ERICH6: variants seen among roughly 807,000 people sequenced by gnomAD.
ERICH6 encodes glutamate-rich protein 6.
Under a neutral mutation model 71.0 loss-of-function variants are expected in ERICH6, and 71 were observed. That is an observed-to-expected ratio of 1.00 (90% confidence interval 0.83 to 1.22). ERICH6 has a LOEUF of 1.22. Among genes scored for constraint, ERICH6 ranks in the 50% most tolerant of loss-of-function variants. The pLI, the probability that ERICH6 is intolerant of heterozygous loss-of-function variation, is 0.00. For missense variants in ERICH6, 808 were observed against 797.2 expected (o/e 1.01, Z -0.16); for synonymous variants, 262 against 278.4 (o/e 0.94, Z 0.59).
intron 3 of ERICH6, among the ~76,000 whole-genome samples, chr3:150,688,107 G>T (rs1712271576): frequency 6.6e-6 from 1 of 152,120 alleles, no homozygotes; most frequent in Non-Finnish European, 1.5e-5. Flanking sequence ...GACAGAGCAA[G>T]ACCTTGTCTC....
intron 12 of ERICH6, among the ~76,000 whole-genome samples, chr3:150,667,351 G>A (rs556974690): frequency 5.3e-5 from 8 of 152,284 alleles, no homozygotes; most frequent in Middle Eastern, 3.4e-3. Flanking sequence ...GAAAGAGGAG[G>A]AAAGACCAGT....
intron 11 of ERICH6, among the ~76,000 whole-genome samples, chr3:150,672,181 C>T (rs1409393216): frequency 6.7e-6 from 1 of 148,320 alleles, no homozygotes; most frequent in Non-Finnish European, 1.5e-5. Context: ...TATTGCATAT[C>T]ATATATTTAT....
At chr3:150,683,516 C>T (rs1712054232) in intron 6 of ERICH6, among the ~76,000 whole-genome samples, 1 of 152,042 alleles carries the variant, frequency 6.6e-6, no homozygotes, top group African/African-American at 2.4e-5. Context: ...TGTAATCCCG[C>T]ACTTTGGGAG....
chr3:150,678,416 C>T lies in ERICH6; in HGVS notation c.1250G>A (p.Cys417Tyr), dbSNP rs771477819. Residue 417 changes from cysteine to tyrosine, a missense_variant, in exon 10 of 14, where the codon TGT (cysteine) becomes TAT (tyrosine). By Grantham distance (194) the Cys-to-Tyr change is radical (BLOSUM62 -2). This residue lies in a region of ERICH6 where 736 missense variants were observed against 712.2 expected (regional missense o/e 1.03). Coordinates refer to ENST00000295910, the MANE Select transcript of ERICH6 (RefSeq NM_152394.5). Reference protein sequence around the residue: ...SIICCDSRIACGKVVRNELLE... With the variant: ...SIICCDSRIAYGKVVRNELLE... ...AAATTACAAGTTCATTACCTTTCCA[C>T]ATGCTATCCGAGAATCACAACAAAT... is the stretch of plus-strand genomic sequence containing the variant. 1.9e-6 allele frequency: 3 copies of T among 1,566,464 alleles called. No individual in the cohort carries two copies. Among genetic ancestry groups the T allele is most frequent in the Non-Finnish European group, 8.6e-7 (1 of 1,164,658 alleles).
At chr3:150,694,923 G>A (rs1190254253) in intron 3 of ERICH6, among the ~76,000 whole-genome samples, 1 of 152,174 alleles carries the variant, frequency 6.6e-6, no homozygotes, top group Non-Finnish European at 1.5e-5. Flanking sequence ...TAGATTTGGT[G>A]TCTGGTAAGT....
intron 6 of ERICH6, among the ~76,000 whole-genome samples, chr3:150,684,859 A>G (rs1222546252): frequency 6.6e-6 from 1 of 151,908 alleles, no homozygotes; most frequent in African/African-American, 2.4e-5. Context: ...TTAAAAAATT[A>G]TCTAGGCATA....
chr3:150,675,961 T>C (rs1275559201), intron 10 of ERICH6, among the ~76,000 whole-genome samples: 2 of 151,562 alleles, frequency 1.3e-5, no homozygotes, highest in Non-Finnish European at 2.9e-5. Flanking sequence ...TTCTTAAACC[T>C]GTTGATTGGT....
intron 11 of ERICH6, among the ~76,000 whole-genome samples, chr3:150,669,948 C>A (rs989541268): frequency 1.3e-5 from 2 of 152,108 alleles, no homozygotes; most frequent in Non-Finnish European, 2.9e-5. Flanking sequence ...AATCCCAGCA[C>A]TTACGGAGGC....
At chr3:150,689,545 A>G (rs751994768) in intron 3 of ERICH6, among the ~76,000 whole-genome samples, 6 of 152,210 alleles carry the variant, frequency 3.9e-5, no homozygotes, top group Non-Finnish European at 8.8e-5. Context: ...CTCAATGGTT[A>G]AAATTAGCTT....
chr3:150,702,994 C>CAGAGAGAGAGAG (rs71676608), intron 1 of ERICH6, among the ~76,000 whole-genome samples: 1 of 124,202 alleles, frequency 8.1e-6, no homozygotes, highest in Non-Finnish European at 1.6e-5. Flanking sequence ...GGAGGGGGAA[C>CAGAGAGAGAGAG]AGAGAGAGAG....
At chr3:150,689,254 A>G (rs1430222868) in intron 3 of ERICH6, among the ~76,000 whole-genome samples, 1 of 152,132 alleles carries the variant, frequency 6.6e-6, no homozygotes, top group African/African-American at 2.4e-5. Context: ...TCCTGCTTCC[A>G]TGACAATAGA....
At chr3:150,669,926 G>C (rs1389596240) in intron 11 of ERICH6, among the ~76,000 whole-genome samples, 1 of 152,152 alleles carries the variant, frequency 6.6e-6, no homozygotes, top group Non-Finnish European at 1.5e-5. Flanking sequence ...GGGCATGGTG[G>C]CTCATGCCCA....
intron 11 of ERICH6, among the ~76,000 whole-genome samples, chr3:150,671,445 A>C (rs1467240079): frequency 6.6e-6 from 1 of 152,216 alleles, no homozygotes; most frequent in Non-Finnish European, 1.5e-5. Flanking sequence ...CAAGTGATCA[A>C]TAACTTGGTG....
At chr3:150,692,532 T>C (rs1269468368) in intron 3 of ERICH6, among the ~76,000 whole-genome samples, 2 of 152,280 alleles carry the variant, frequency 1.3e-5, no homozygotes, top group South Asian at 2.1e-4. Context: ...ATTTGGCTTA[T>C]TTGGTATAAA....
chr3:150,661,402 C>T (rs1341420417), intron 13 of ERICH6, among the ~76,000 whole-genome samples: 1 of 152,120 alleles, frequency 6.6e-6, no homozygotes, highest in Non-Finnish European at 1.5e-5. Flanking sequence ...CTGAAGCAAA[C>T]TTTAGTAAGC....
At chr3:150,663,722 C>T (rs1727304748) in intron 13 of ERICH6, among the ~76,000 whole-genome samples, 1 of 152,074 alleles carries the variant, frequency 6.6e-6, no homozygotes, top group Non-Finnish European at 1.5e-5. Context: ...AAGTAATGCT[C>T]CCGTCACAGC....
At chr3:150,699,960 T>C (rs1389308872) in intron 2 of ERICH6, among the ~76,000 whole-genome samples, 2 of 152,120 alleles carry the variant, frequency 1.3e-5, no homozygotes, top group South Asian at 4.1e-4. Flanking sequence ...GGAGGAGTTC[T>C]GAAGAAAAGA....
At chr3:150,683,394 G>C (rs1203983760) in intron 6 of ERICH6, among the ~76,000 whole-genome samples, 2 of 152,136 alleles carry the variant, frequency 1.3e-5, no homozygotes, top group Non-Finnish European at 2.9e-5. Flanking sequence ...CCATACAAGG[G>C]ACTTGGTTGT....
At chr3:150,689,472 TAGC>T (rs1712334929) in intron 3 of ERICH6, among the ~76,000 whole-genome samples, 1 of 152,156 alleles carries the variant, frequency 6.6e-6, no homozygotes, top group Non-Finnish European at 1.5e-5. Context: ...ACTTCTGAAA[TAGC>T]AGCAATTTTT....
Sources: allele counts gnomAD v4.1 joint callset (sites outside exome capture counted in the v4.1 genomes callset), GRCh38; gene constraint gnomAD v4.1.1; regional missense constraint gnomAD v4.1.1; transcripts MANE v1.5; gene names NCBI Gene and HGNC (gene_info 2026-07-23, HGNC 2026-07-21).